Variants in GDA observed in about 807,000 individuals in gnomAD.
GDA encodes cytoplasmic PSD-95 interactor.
GDA carries 18 observed loss-of-function variants against 59.6 expected under a neutral mutation model. That is an observed-to-expected ratio of 0.30 (90% confidence interval 0.21 to 0.45). The LOEUF (loss-of-function observed/expected upper bound fraction) is 0.45, where lower values mean the gene tolerates loss of function less well. GDA is among the 20% of genes least tolerant of loss of function. The pLI is 1.00. For synonymous variants in GDA, 201 were observed against 201.1 expected (o/e 1.00, Z 0.00); for missense variants, 427 against 552.3 (o/e 0.77, Z 2.27).
intron 4 of GDA, among the ~76,000 whole-genome samples, chr9:72,212,242 G>A (rs1037491297): frequency 4.6e-5 from 7 of 152,166 alleles, no homozygotes; most frequent in Middle Eastern, 3.4e-3. Context: ...TGGCACTTTC[G>A]GAGGCCGAGG....
intron 1 of GDA, among the ~76,000 whole-genome samples, chr9:72,182,135 C>T (rs956876409): frequency 3.9e-5 from 6 of 152,210 alleles, no homozygotes; most frequent in Middle Eastern, 3.4e-3. Context: ...CTTACATAAT[C>T]ATGAATTATT....
At chr9:72,186,792 C>T (rs1321900324) in intron 1 of GDA, among the ~76,000 whole-genome samples, 2 of 152,164 alleles carry the variant, frequency 1.3e-5, no homozygotes, top group Admixed American at 1.3e-4. Flanking sequence ...ATCCCTTTTC[C>T]CACAACCCTG....
At chr9:72,254,205 CTT>C (rs1256057583), downstream of GDA, among the ~76,000 whole-genome samples, 1 of 152,184 alleles carries the variant, frequency 6.6e-6, no homozygotes, top group Middle Eastern at 3.2e-3. Flanking sequence ...CTAATTCAGA[CTT>C]ATCACTTTTA....
In GDA at chr9:72,219,472, A is replaced by G; in HGVS notation, c.579-7A>G. On this transcript the variant is annotated splice_region_variant and splice_polypyrimidine_tract_variant and intron_variant, in intron 5 of 13. Transcript: ENST00000358399. ...AGTTTTCTAACCCATTTGTTGCTTT[A>G]TTTCAGATTTGTGTCAGAAATGCTC... 1 of 1,583,418 alleles carries G rather than the reference A, an allele frequency of 6.3e-7. No homozygotes were observed.
At chr9:72,231,321 A>C in intron 10 of GDA, 140 bp downstream of exon 10, 1 of 572,906 alleles carries the variant, frequency 1.7e-6, no homozygotes, top group South Asian at 1.9e-5. Flanking sequence ...TCACGTCTGT[A>C]ATCCCAGCAC....
intron 1 of GDA, among the ~76,000 whole-genome samples, chr9:72,125,982 TC>T (rs1272313299): frequency 6.6e-6 from 1 of 152,196 alleles, no homozygotes; most frequent in Non-Finnish European, 1.5e-5. Flanking sequence ...AGTGCCATGA[TC>T]TCGGCTCACT....
intron 1 of GDA, among the ~76,000 whole-genome samples, chr9:72,130,736 G>C (rs1479603265): frequency 2.0e-5 from 3 of 152,188 alleles, no homozygotes; most frequent in Non-Finnish European, 2.9e-5. Flanking sequence ...GGTCCATGAA[G>C]ACTTTAGAGT....
intron 1 of GDA, among the ~76,000 whole-genome samples, chr9:72,127,802 T>A (rs1825897907): frequency 6.6e-6 from 1 of 152,220 alleles, no homozygotes; most frequent in African/African-American, 2.4e-5. Flanking sequence ...GACTGGGCAC[T>A]GGCTCTACTC....
intron 9 of GDA, chr9:72,228,879 C>T (rs1837940384): frequency 1.3e-5 from 2 of 151,908 alleles, no homozygotes; most frequent in African/African-American, 4.8e-5. Flanking sequence ...CAGAGTGAGA[C>T]TCTGTCTCAG....
chr9:72,207,701 T>A (rs190885551), intron 3 of GDA, among the ~76,000 whole-genome samples: 2 of 152,236 alleles, frequency 1.3e-5, no homozygotes, highest in Non-Finnish European at 2.9e-5. Flanking sequence ...GGTGGCCAGA[T>A]CTTTTTGTTT....
chr9:72,125,760 G>A (rs1825824871), intron 1 of GDA, among the ~76,000 whole-genome samples: 1 of 152,018 alleles, frequency 6.6e-6, no homozygotes, highest in Non-Finnish European at 1.5e-5. Context: ...TTTTCCCCAT[G>A]TTTTCTAGAC....
chr9:72,202,332 G>A (rs1444476988), intron 2 of GDA, among the ~76,000 whole-genome samples: 22 of 152,130 alleles, frequency 1.4e-4, no homozygotes, highest in South Asian at 4.2e-4. Flanking sequence ...CCCTCCCTTC[G>A]TCATCACTGG....
chr9:72,173,164 G>A (rs988013951), intron 1 of GDA, among the ~76,000 whole-genome samples: 1 of 152,124 alleles, frequency 6.6e-6, no homozygotes, highest in Non-Finnish European at 1.5e-5. Context: ...TCTCCTGGAA[G>A]CTCTAGAGGG....
At chr9:72,141,746 G>C (rs1826449388) in intron 1 of GDA, among the ~76,000 whole-genome samples, 2 of 152,152 alleles carry the variant, frequency 1.3e-5, no homozygotes, top group Admixed American at 6.6e-5. Context: ...AACCAGTTAA[G>C]CTGCACATTA....
intron 11 of GDA, among the ~76,000 whole-genome samples, chr9:72,242,676 T>TTTTG (rs1839755653): frequency 6.6e-6 from 1 of 152,180 alleles, no homozygotes; most frequent in South Asian, 2.1e-4. Flanking sequence ...TGTTTTTTGT[T>TTTTG]TTTGTTTTGT....
At chr9:72,191,528 G>C (rs1832544786) in intron 1 of GDA, among the ~76,000 whole-genome samples, 1 of 150,754 alleles carries the variant, frequency 6.6e-6, no homozygotes, top group African/African-American at 2.4e-5. Context: ...CCAGACTGCA[G>C]TGGTGCTATC....
At chr9:72,141,817 C>T (rs766128092) in intron 1 of GDA, among the ~76,000 whole-genome samples, 2 of 152,148 alleles carry the variant, frequency 1.3e-5, no homozygotes, top group African/African-American at 2.4e-5. Context: ...TAATAGGATT[C>T]ATTTCATGCC....
intron 1 of GDA, among the ~76,000 whole-genome samples, chr9:72,121,923 T>C (rs79884968): frequency 6.6e-6 from 1 of 152,144 alleles, no homozygotes; most frequent in African/African-American, 2.4e-5. Context: ...CCTTGAAACA[T>C]TGACTTCCAT....
chr9:72,214,503 C>T (rs1835838780), intron 5 of GDA, among the ~76,000 whole-genome samples: 1 of 151,840 alleles, frequency 6.6e-6, no homozygotes, highest in African/African-American at 2.4e-5. Flanking sequence ...ACTATGTTGG[C>T]TGGGCTGGTC....
Sources: allele counts gnomAD v4.1 joint callset (sites outside exome capture counted in the v4.1 genomes callset), GRCh38; gene constraint gnomAD v4.1.1; transcripts MANE v1.5; gene names NCBI Gene and HGNC (gene_info 2026-07-23, HGNC 2026-07-21).